Variants in PTPRR observed in about 807,000 individuals in gnomAD.
The protein encoded by PTPRR is receptor-type tyrosine-protein phosphatase R.
In PTPRR, 38 loss-of-function variants were observed where a neutral mutation model predicts 77.2. The observed-to-expected ratio is 0.49, with a 90% confidence interval of 0.38 to 0.65. The LOEUF (loss-of-function observed/expected upper bound fraction) is 0.65, where lower values mean the gene tolerates loss of function less well. Ranked by LOEUF, PTPRR falls within the 30% of genes least tolerant of loss-of-function variation. The probability of loss-of-function intolerance (pLI) is 0.00; values close to 1 mark genes in which losing one functional copy is unlikely to be tolerated. For missense variants in PTPRR, 744 were observed against 799.2 expected, an observed-to-expected ratio of 0.93 and a Z score of 0.83; for synonymous variants, 299 against 283.1, an observed-to-expected ratio of 1.06 and a Z score of -0.57.
At chr12:70,726,400 C>G (rs768282895) in intron 6 of PTPRR, among the ~76,000 whole-genome samples, 1 of 151,948 alleles carries the variant, frequency 6.6e-6, no homozygotes, top group Non-Finnish European at 1.5e-5. Context: ...TGCCCTTGAG[C>G]AAGTGACATA....
intron 6 of PTPRR, among the ~76,000 whole-genome samples, chr12:70,704,162 C>G (rs1369733948): frequency 6.6e-6 from 1 of 152,048 alleles, no homozygotes; most frequent in African/African-American, 2.4e-5. Context: ...TGGCTGACAT[C>G]TGTAATCCCA....
chr12:70,877,981 G>C (rs4420367), intron 2 of PTPRR, among the ~76,000 whole-genome samples: 78,547 of 151,634 alleles, frequency 0.52, 20,707 homozygotes, highest in East Asian at 0.61. Flanking sequence ...ACAAACCTGA[G>C]AAAAACAAGC....
At chr12:70,686,262 G>C (rs1242124797) in intron 8 of PTPRR, among the ~76,000 whole-genome samples, 2 of 152,134 alleles carry the variant, frequency 1.3e-5, no homozygotes, top group African/African-American at 4.8e-5. Context: ...GGTGAGGTAG[G>C]AAGTACTAGA....
intron 2 of PTPRR, among the ~76,000 whole-genome samples, chr12:70,855,261 G>A (rs571654135): frequency 2.6e-5 from 4 of 152,224 alleles, no homozygotes; most frequent in African/African-American, 4.8e-5. Context: ...CCAAGAAGAC[G>A]GAACCATGCA....
At chr12:70,734,377 T>A (rs1216379344) in intron 6 of PTPRR, among the ~76,000 whole-genome samples, 1 of 152,210 alleles carries the variant, frequency 6.6e-6, no homozygotes, top group African/African-American at 2.4e-5. Flanking sequence ...CACACCCTAC[T>A]GAATTGCCAA....
chr12:70,856,075 A>C (rs992859207), intron 2 of PTPRR, among the ~76,000 whole-genome samples: 13 of 152,106 alleles, frequency 8.5e-5, no homozygotes, highest in Admixed American at 8.5e-4. Flanking sequence ...AGATATACTA[A>C]CTTTAAATTA....
At chr12:70,917,183 T>C (rs1893787573) in intron 1 of PTPRR, among the ~76,000 whole-genome samples, 1 of 152,196 alleles carries the variant, frequency 6.6e-6, no homozygotes, top group Non-Finnish European at 1.5e-5. Flanking sequence ...GGCTTTTAAT[T>C]GCCTCCTTGA....
chr12:70,876,888 A>G (rs1893060920), intron 2 of PTPRR, among the ~76,000 whole-genome samples: 1 of 152,218 alleles, frequency 6.6e-6, no homozygotes, highest in Admixed American at 6.5e-5. Flanking sequence ...AGAGGTGAAC[A>G]TATGGCAAGT....
At chr12:70,766,408 G>T (rs1368641738) in intron 2 of PTPRR, among the ~76,000 whole-genome samples, 7 of 152,146 alleles carry the variant, frequency 4.6e-5, no homozygotes, top group Admixed American at 4.6e-4. Context: ...GGAAGAAAGG[G>T]TATCAGTGAT....
intron 2 of PTPRR, among the ~76,000 whole-genome samples, chr12:70,780,258 G>A (rs1214855677): frequency 1.3e-5 from 2 of 152,084 alleles, no homozygotes; most frequent in African/African-American, 4.8e-5. Flanking sequence ...CCAAAGCGCT[G>A]GGATTACAGG....
rs1397543800 is a variant in PTPRR at position 70,794,916 on chromosome 12, A to G, written c.358-30138T>C. Among the ~76,000 whole-genome samples the G allele has an allele frequency of 2.7e-5, 4 of 150,500 alleles. No homozygotes were observed. The East Asian group carries it at 7.7e-4, about 29-fold the overall frequency. On this transcript the variant is annotated intron_variant, in intron 2 of 13. Coordinates refer to ENST00000283228, the MANE Select transcript of PTPRR (RefSeq NM_002849.4). ...TTCACTTCTGCATATGTCATGCAAA[A>G]CTAAAAGAACCCTTCTTATGACAGC... is the stretch of plus-strand genomic sequence containing the variant.
At chr12:70,797,013 G>T (rs1473340502) in intron 2 of PTPRR, among the ~76,000 whole-genome samples, 3 of 152,122 alleles carry the variant, frequency 2.0e-5, no homozygotes, top group Non-Finnish European at 4.4e-5. Flanking sequence ...GCGAGACTCT[G>T]TCTAAAAAAA....
chr12:70,667,980 A>G (rs1274259153), intron 10 of PTPRR, among the ~76,000 whole-genome samples: 3 of 152,116 alleles, frequency 2.0e-5, no homozygotes, highest in Non-Finnish European at 4.4e-5. Flanking sequence ...CCACACTTTC[A>G]AAATTGTCCA....
chr12:70,745,370 A>C (rs1270619061), intron 6 of PTPRR, among the ~76,000 whole-genome samples: 2 of 152,220 alleles, frequency 1.3e-5, no homozygotes, highest in South Asian at 2.1e-4. Flanking sequence ...GTGGTTAAAA[A>C]ATGCAGAGCT....
At chr12:70,684,380 C>T (rs955122170) in intron 9 of PTPRR, 116 bp from the exon 10 acceptor site, 33 of 1,093,740 alleles carry the variant, frequency 3.0e-5, no homozygotes, top group South Asian at 1.1e-4. Context: ...ACACAGGTTA[C>T]GGCTTCACTG....
At chr12:70,718,178 G>A (rs969748211) in intron 6 of PTPRR, among the ~76,000 whole-genome samples, 2 of 151,922 alleles carry the variant, frequency 1.3e-5, no homozygotes, top group Non-Finnish European at 2.9e-5. Flanking sequence ...CTTGTCTGCC[G>A]AACATTTGAG....
chr12:70,647,439 A>T (rs1886241729), intron 13 of PTPRR, among the ~76,000 whole-genome samples: 1 of 151,842 alleles, frequency 6.6e-6, no homozygotes, highest in Non-Finnish European at 1.5e-5. Context: ...TCTGATGTTA[A>T]AATATAAACA....
chr12:70,877,848 T>G (rs11178464), intron 2 of PTPRR, among the ~76,000 whole-genome samples: 32,194 of 152,074 alleles, frequency 0.21, 4,580 homozygotes, highest in Admixed American at 0.4. Flanking sequence ...GACTTCAAAC[T>G]ATACTACAAG....
At chr12:70,657,015 G>T (rs1236773070) in intron 12 of PTPRR, among the ~76,000 whole-genome samples, 198 bp from the exon 13 acceptor site, 1 of 151,318 alleles carries the variant, frequency 6.6e-6, no homozygotes, top group African/African-American at 2.4e-5. Context: ...TGAGAGGGGT[G>T]GGGGGAAGTG....
Sources: allele counts gnomAD v4.1 joint callset (sites outside exome capture counted in the v4.1 genomes callset), GRCh38; gene constraint gnomAD v4.1.1; transcripts MANE v1.5; gene names NCBI Gene and HGNC (gene_info 2026-07-23, HGNC 2026-07-21).